Variants in PDE4B observed in about 807,000 individuals in gnomAD.
PDE4B encodes the protein 3',5'-cyclic-AMP phosphodiesterase 4B.
A neutral mutation model predicts 82.2 loss-of-function variants in PDE4B; 20 were observed. The ratio of observed to expected loss-of-function variants is 0.24; its 90% CI spans 0.17 to 0.35. The LOEUF is 0.35. Ranked by LOEUF, PDE4B falls within the 10% of genes least tolerant of loss-of-function variation. PDE4B has a pLI of 1.00. For synonymous variants in PDE4B, 320 were observed against 318.9 expected (o/e 1.00, Z -0.04); for missense variants, 655 against 907.2 (o/e 0.72, Z 3.57).
intron 3 of PDE4B, among the ~76,000 whole-genome samples, chr1:66,180,420 G>A (rs570336495): frequency 6.6e-6 from 1 of 152,174 alleles, no homozygotes; most frequent in Non-Finnish European, 1.5e-5. Flanking sequence ...TAAAGTCTTT[G>A]AGAAGTCCTG....
At chr1:66,235,607 A>G (rs1652346727) in intron 3 of PDE4B, among the ~76,000 whole-genome samples, 1 of 152,202 alleles carries the variant, frequency 6.6e-6, no homozygotes, top group Non-Finnish European at 1.5e-5. Flanking sequence ...GTGATCTATT[A>G]TAAGCCACAT....
intron 12 of PDE4B, among the ~76,000 whole-genome samples, chr1:66,364,478 T>C (rs918468225): frequency 2.6e-5 from 4 of 152,092 alleles, no homozygotes; most frequent in African/African-American, 9.7e-5. Flanking sequence ...CAAATGAAAA[T>C]GATGGTCAAG....
intron 3 of PDE4B, among the ~76,000 whole-genome samples, chr1:66,031,421 T>C (rs570546010): frequency 6.6e-6 from 1 of 152,314 alleles, no homozygotes; most frequent in South Asian, 2.1e-4. Flanking sequence ...TGGTGAAAAT[T>C]TGGTGCAGTA....
In PDE4B at chr1:66,257,402, A is replaced by G; in HGVS notation, c.477-245A>G. 8.6e-6 allele frequency: 6 copies of G among 700,032 alleles called. No homozygotes were observed. The South Asian group carries it at 8.6e-5, about 10-fold the overall frequency. The allele number at this position is 700,032 out of a possible 1,614,324, so 43.4% of individuals were successfully genotyped here. A position where few individuals can be genotyped will look rare whatever the true frequency, so the allele number is the denominator to read the frequency against. ...GAATATATCCTGAGGATATATGCTT[A>G]CTTGCAAATGCTTTTATGTGTAGTC... is the stretch of plus-strand genomic sequence containing the variant. On this transcript the variant is annotated intron_variant, in intron 4 of 16. Coordinates refer to ENST00000341517, the MANE Select transcript of PDE4B (RefSeq NM_002600.4).
chr1:66,201,406 G>T (rs1648936775), intron 3 of PDE4B, among the ~76,000 whole-genome samples: 1 of 152,102 alleles, frequency 6.6e-6, no homozygotes, highest in Non-Finnish European at 1.5e-5. Context: ...GATTGGAATA[G>T]TTTCAGAAGG....
At position 66,337,066 on chromosome 1, in the gene PDE4B, T is replaced by A. The variant is rs148339171; in HGVS notation, c.747+4446T>A. Among the ~76,000 whole-genome samples the A allele has an allele frequency of 9.4e-3, 1,437 of 152,276 alleles. 18 individuals carry two copies. The highest frequency in any genetic ancestry group is 0.034 in the African/African-American group (1,393 of 41,558). On this transcript the variant is annotated intron_variant, in intron 8 of 16. Coordinates refer to ENST00000341517, the MANE Select transcript of PDE4B (RefSeq NM_002600.4). ...CAGCTCCTGCAGAACTGACAGGAAA[T>A]AGATCTTACTGGCCAATGGATTCAT...
At chr1:66,184,353 G>A (rs1183441315) in intron 3 of PDE4B, among the ~76,000 whole-genome samples, 1 of 152,102 alleles carries the variant, frequency 6.6e-6, no homozygotes, top group Non-Finnish European at 1.5e-5. Flanking sequence ...AATATTTATT[G>A]AGCATCTATT....
At chr1:66,354,649 T>C in intron 8 of PDE4B, 1 of 1,391,236 alleles carries the variant, frequency 7.2e-7, no homozygotes, top group Admixed American at 3.1e-5. Context: ...CATAGGCTTC[T>C]TGCAAGAATG....
At chr1:66,331,647 CAAAATA>C (rs1660117777) in intron 7 of PDE4B, 1 of 606,418 alleles carries the variant, frequency 1.6e-6, no homozygotes, top group Admixed American at 6.3e-5. Context: ...CAGCTTTAAT[CAAAATA>C]AAAATCTGCA....
chr1:66,156,955 G>T (rs552953576), intron 3 of PDE4B, among the ~76,000 whole-genome samples: 1 of 152,146 alleles, frequency 6.6e-6, no homozygotes, highest in Non-Finnish European at 1.5e-5. Flanking sequence ...TTTTCAACAT[G>T]ATTTGAAAGC....
chr1:65,971,807 T>C (rs1203867990), intron 3 of PDE4B, among the ~76,000 whole-genome samples: 2 of 152,182 alleles, frequency 1.3e-5, no homozygotes, highest in African/African-American at 4.8e-5. Flanking sequence ...TAATCATCTC[T>C]AGAATGCTTA....
intron 3 of PDE4B, among the ~76,000 whole-genome samples, chr1:66,172,520 T>C (rs1200871258): frequency 6.6e-6 from 1 of 152,208 alleles, no homozygotes; most frequent in Non-Finnish European, 1.5e-5. Context: ...CTTTGAGAAA[T>C]TTCCAAACTG....
chr1:66,159,701 G>C (rs1646571939), intron 3 of PDE4B, among the ~76,000 whole-genome samples: 1 of 152,128 alleles, frequency 6.6e-6, no homozygotes. Context: ...CTGGGGTAGT[G>C]TCTTTTATTC....
chr1:66,079,074 A>G (rs565670412), intron 3 of PDE4B, among the ~76,000 whole-genome samples: 1 of 152,178 alleles, frequency 6.6e-6, no homozygotes, highest in African/African-American at 2.4e-5. Flanking sequence ...CTTATAGTGT[A>G]TATTGATTCT....
rs1557752001 is a variant in PDE4B at position 65,796,910 on chromosome 1, A to G, written c.-71+3662A>G. On this transcript the variant is annotated intron_variant, in intron 1 of 16. Coordinates refer to ENST00000341517, the MANE Select transcript of PDE4B (RefSeq NM_002600.4). ...ATGATCTGCCTGCCTCAGCCTCCCAAAGTGCTGGGATTACAGGCTTGAGCC... is the reference window on the plus strand; with the variant it reads ...ATGATCTGCCTGCCTCAGCCTCCCAGAGTGCTGGGATTACAGGCTTGAGCC... Among the ~76,000 whole-genome samples the G allele has an allele frequency of 3.3e-5, 5 of 151,372 alleles. No individual in the cohort carries two copies. In the South Asian group the frequency reaches 1.0e-3, roughly 32 times the overall value.
intron 3 of PDE4B, among the ~76,000 whole-genome samples, chr1:66,161,564 A>G (rs1646614120): frequency 6.6e-6 from 1 of 152,130 alleles, no homozygotes; most frequent in African/African-American, 2.4e-5. Context: ...TTTTAATGCA[A>G]ATTACCTATG....
At chr1:66,363,327 T>C in intron 11 of PDE4B, 61 bp downstream of exon 11, 1 of 1,541,424 alleles carries the variant, frequency 6.5e-7, no homozygotes. Flanking sequence ...ATTTTTTTTT[T>C]CCATCTTACT....
At chr1:65,883,921 G>C (rs1455105804) in intron 1 of PDE4B, among the ~76,000 whole-genome samples, 2 of 152,110 alleles carry the variant, frequency 1.3e-5, no homozygotes, top group Non-Finnish European at 2.9e-5. Flanking sequence ...TAATCATGTG[G>C]TTTTTGTCTT....
intron 3 of PDE4B, 53 bp from the exon 4 acceptor site, chr1:66,247,407 G>A (rs1348422901): frequency 1.6e-6 from 2 of 1,285,706 alleles, no homozygotes; most frequent in African/African-American, 3.0e-5. Context: ...TGTATACTAT[G>A]TGTCCTCCTC....
Sources: allele counts gnomAD v4.1 joint callset (sites outside exome capture counted in the v4.1 genomes callset), GRCh38; gene constraint gnomAD v4.1.1; transcripts MANE v1.5; gene names NCBI Gene and HGNC (gene_info 2026-07-23, HGNC 2026-07-21).